The following VPS13B variants were observed in gnomAD, a reference collection of about 807,000 sequenced individuals.
VPS13B encodes the protein intermembrane lipid transfer protein VPS13B.
VPS13B carries 285 observed loss-of-function variants against 426.4 expected under a neutral mutation model. The observed-to-expected ratio is 0.67, with a 90% CI of 0.61 to 0.74. The LOEUF (loss-of-function observed/expected upper bound fraction) is 0.74. Among genes scored for constraint, VPS13B ranks in the 30% least tolerant of loss-of-function variants. VPS13B has a pLI of 0.00. For missense variants in VPS13B, 4,537 were observed against 4,782.6 expected, an observed-to-expected ratio of 0.95 and a Z score of 1.51; for synonymous variants, 1,676 against 1,676.4, an observed-to-expected ratio of 1.00 and a Z score of 0.01.
At chr8:99,075,632 A>G (rs1396092291) in intron 3 of VPS13B, among the ~76,000 whole-genome samples, 1 of 152,064 alleles carries the variant, frequency 6.6e-6, no homozygotes, top group African/African-American at 2.4e-5. Context: ...TGTGTTCAGG[A>G]ATTTCATTTC....
At chr8:99,592,213 A>G (rs972170834) in intron 33 of VPS13B, among the ~76,000 whole-genome samples, 2 of 151,938 alleles carry the variant, frequency 1.3e-5, no homozygotes, top group African/African-American at 4.8e-5. Context: ...TTAGCCATTC[A>G]TCTAATCTTT....
At position 99,134,746 on chromosome 8, in the gene VPS13B, A is replaced by G; in HGVS notation, c.1302+19A>G. 2.6e-6 allele frequency: 4 copies of G among 1,561,724 alleles called. No homozygotes were observed. Among genetic ancestry groups the G allele is most frequent in the South Asian group, 1.1e-5 (1 of 87,664 alleles). On this transcript the variant is annotated intron_variant, in intron 9 of 61. Coordinates refer to ENST00000357162, the MANE Select transcript of VPS13B (RefSeq NM_152564.5). ...AGTTGAGGTAATCTTTCAATATTGA[A>G]CCTGTATTTTTAAATATTTTGTTCT... is the stretch of plus-strand genomic sequence containing the variant.
chr8:99,479,971 CA>C (rs1430455191), intron 24 of VPS13B, among the ~76,000 whole-genome samples: 1 of 152,108 alleles, frequency 6.6e-6, no homozygotes, highest in African/African-American at 2.4e-5. Context: ...TAAAAACTGT[CA>C]AATCGTATTC....
intron 19 of VPS13B, among the ~76,000 whole-genome samples, chr8:99,316,781 G>A (rs1195780563): frequency 6.6e-6 from 1 of 152,122 alleles, no homozygotes; most frequent in Non-Finnish European, 1.5e-5. Context: ...TGTGTGAAGG[G>A]GATGAGTACC....
intron 16 of VPS13B, among the ~76,000 whole-genome samples, chr8:99,181,170 C>G (rs1472817614): frequency 6.6e-6 from 1 of 152,098 alleles, no homozygotes; most frequent in Non-Finnish European, 1.5e-5. Context: ...TTATGTTACA[C>G]TCATACCAGT....
rs997232905 is a variant in VPS13B, at chr8:99,577,560, C to T, written c.5147C>T (p.Ala1716Val). 1 of 1,613,846 alleles carries T rather than the reference C, an allele frequency of 6.2e-7. No individual in the cohort carries two copies. The highest frequency in any genetic ancestry group is 8.5e-7 in the Non-Finnish European group (1 of 1,179,774). Residue 1716 changes from alanine (A) to valine (V), a missense_variant, in exon 33 of 62, where the codon GCT becomes GTT. Ala to Val is a moderately conservative substitution (Grantham distance 64). Coordinates refer to ENST00000357162, the MANE Select transcript of VPS13B (RefSeq NM_152564.5). Reference protein sequence around the residue: ...TTNLDFFLSVAQVQLLHQLIV... With the variant: ...TTNLDFFLSVVQVQLLHQLIV... ...AACCTGGACTTCTTCCTAAGTGTGGCTCAAGTTCAACTCTTACATCAGTTA... is the reference window on the plus strand; with the variant it reads ...AACCTGGACTTCTTCCTAAGTGTGGTTCAAGTTCAACTCTTACATCAGTTA...
At position 99,520,913 on chromosome 8, in the gene VPS13B, A is replaced by G; in HGVS notation, c.4648A>G (p.Lys1550Glu). 6.2e-7 allele frequency: 1 copy of G among 1,613,832 alleles called. No homozygotes were observed. The highest frequency in any genetic ancestry group is 8.5e-7 in the Non-Finnish European group (1 of 1,179,736). Residue 1550 changes from lysine to glutamate, a missense_variant, in exon 30 of 62, where the codon AAA becomes GAA. Lys to Glu is a moderately conservative substitution (Grantham distance 56). This residue lies in a region of VPS13B where 4,311 missense variants were observed against 4,474.3 expected (regional missense o/e 0.96). Coordinates refer to ENST00000357162, the MANE Select transcript of VPS13B (RefSeq NM_152564.5). ...TTTTGTTACAGCTAATCAGGCAGCA[A>G]AAGAAGACACTGTGGTTTTGAAGAT... ...QPTVEANQAAKEDTVVLKIGS... is the reference protein window; with the variant it reads ...QPTVEANQAAEEDTVVLKIGS...
At chr8:99,839,220 C>T (rs545765356) in intron 54 of VPS13B, among the ~76,000 whole-genome samples, 29 of 152,164 alleles carry the variant, frequency 1.9e-4, no homozygotes, top group Admixed American at 1.7e-3. Context: ...AGCAGACATT[C>T]GTAGTCGGGT....
chr8:99,710,138 A>T (rs1367298043), intron 36 of VPS13B, among the ~76,000 whole-genome samples: 2 of 152,202 alleles, frequency 1.3e-5, no homozygotes, highest in Middle Eastern at 3.2e-3. Context: ...AGTACAGAAA[A>T]TGTACAGGGT....
chr8:99,683,229 C>T (rs1029211128), intron 35 of VPS13B, among the ~76,000 whole-genome samples: 3 of 152,182 alleles, frequency 2.0e-5, no homozygotes, highest in Non-Finnish European at 4.4e-5. Context: ...CTCTCCAAAA[C>T]TATACTGTCT....
intron 5 of VPS13B, among the ~76,000 whole-genome samples, chr8:99,105,263 A>G (rs958453096): frequency 3.3e-5 from 5 of 152,238 alleles, no homozygotes; most frequent in African/African-American, 1.2e-4. Flanking sequence ...GTGGAAAGAA[A>G]TATTTGATTA....
In VPS13B at chr8:99,871,557, G is replaced by A; in HGVS notation, c.11605G>A (p.Val3869Met). 1.2e-6 allele frequency: 2 copies of A among 1,614,220 alleles called. No individual in the cohort carries two copies. Among genetic ancestry groups the A allele is most frequent in the Non-Finnish European group, 1.7e-6 (2 of 1,180,052 alleles). Residue 3869 changes from valine (V) to methionine (M), a missense_variant, in exon 61 of 62, where the codon GTG (valine) becomes ATG (methionine). Around this residue, in one of 2 missense-constraint regions of VPS13B, gnomAD observed 4,311 missense variants for 4,474.3 expected, o/e 0.96. Coordinates refer to ENST00000357162, the MANE Select transcript of VPS13B (RefSeq NM_152564.5). ...AGGGTGCTTGCTGCTGACATCAGAA[G>A]TGCTCTTCGTGGTGAGTGTCAGTGA... is the stretch of plus-strand genomic sequence containing the variant. ...HEGCLLLTSE[V>M]LFVVSVSEDT... is the part of the protein sequence containing the mutation.
At chr8:99,146,936 G>A (rs1209635259) in intron 13 of VPS13B, among the ~76,000 whole-genome samples, 1 of 152,092 alleles carries the variant, frequency 6.6e-6, no homozygotes, top group Non-Finnish European at 1.5e-5. Flanking sequence ...AAGTTGGTCA[G>A]TATTCCAGGG....
chr8:99,569,257 G>A (rs1019105485), intron 31 of VPS13B, among the ~76,000 whole-genome samples: 3 of 151,758 alleles, frequency 2.0e-5, no homozygotes, highest in African/African-American at 7.3e-5. Context: ...GCGAAACCCC[G>A]TCTCTACAAA....
chr8:99,822,644 A>G (rs141806582), intron 50 of VPS13B, among the ~76,000 whole-genome samples: 10 of 152,324 alleles, frequency 6.6e-5, no homozygotes, highest in African/African-American at 2.4e-4. Flanking sequence ...ACACATATTG[A>G]TGTCTAATTA....
At chr8:99,119,277 G>A (rs372077235) in intron 7 of VPS13B, 4 of 152,068 alleles carry the variant, frequency 2.6e-5, no homozygotes, top group African/African-American at 9.7e-5. Context: ...GTCTCACTCT[G>A]TTGCCTAGGC....
intron 33 of VPS13B, among the ~76,000 whole-genome samples, chr8:99,633,806 GGTGTGTGTGTGT>G (rs139474452): frequency 2.1e-5 from 3 of 143,876 alleles, no homozygotes; most frequent in South Asian, 2.3e-4. Flanking sequence ...GAATGTGTCA[GGTGTGTGTGTGT>G]GTGTGTGTGT....
At chr8:99,647,871 C>G (rs980258396) in intron 34 of VPS13B, among the ~76,000 whole-genome samples, 1 of 152,020 alleles carries the variant, frequency 6.6e-6, no homozygotes, top group Non-Finnish European at 1.5e-5. Flanking sequence ...GATGGAAATA[C>G]TTTTGACATT....
At chr8:99,152,028 A>G (rs986143569) in intron 14 of VPS13B, among the ~76,000 whole-genome samples, 1 of 151,820 alleles carries the variant, frequency 6.6e-6, no homozygotes, top group African/African-American at 2.4e-5. Context: ...TTTCAATTTC[A>G]TTGATTTCTG....
Sources: gnomAD v4.1 joint callset for allele counts (sites outside exome capture counted in the v4.1 genomes callset) on GRCh38, gnomAD v4.1.1 for gene constraint, gnomAD v4.1.1 regional missense constraint, MANE v1.5 for transcripts, NCBI Gene and HGNC (gene_info 2026-07-23, HGNC 2026-07-21) for gene names.